Variants in UGT1A6 observed in about 807,000 individuals in gnomAD.
UGT1A6 encodes UDP-glucuronosyltransferase 1A6.
UGT1A6 carries 32 observed loss-of-function variants against 44.4 expected under a neutral mutation model. The observed-to-expected ratio is 0.72, with a 90% CI of 0.54 to 0.97. The LOEUF (loss-of-function observed/expected upper bound fraction) is 0.97. Among genes scored for constraint, UGT1A6 ranks in the 50% least tolerant of loss-of-function variants. UGT1A6 has a pLI of 0.00. For synonymous variants in UGT1A6, 238 were observed against 248.5 expected (o/e 0.96, Z 0.40); for missense variants, 685 against 661.9 (o/e 1.03, Z -0.38).
chr2:233,719,363 C>T (rs569317540), intron 1 of UGT1A6: 1 of 1,613,942 alleles, frequency 6.2e-7, no homozygotes, highest in Non-Finnish European at 8.5e-7. Context: ...GTGACTTAGA[C>T]TTTAAGGGCA....
In UGT1A6 at chr2:233,760,736, C is replaced by T. The variant is rs371418452; in HGVS notation, c.862-6298C>T. ...GAAAGCAGCTTTGATGTCATGCTGA[C>T]GGACCCTTTCCTTCCTTGCAGCCCC... is the stretch of plus-strand genomic sequence containing the variant. On this transcript the variant is annotated intron_variant, in intron 1 of 4. Coordinates refer to ENST00000305139, the MANE Select transcript of UGT1A6 (RefSeq NM_001072.4). The T allele has an allele frequency of 6.2e-7, 1 of 1,614,160 alleles. No homozygotes were observed.
At chr2:233,724,576 G>A (rs1380708117) in intron 1 of UGT1A6, among the ~76,000 whole-genome samples, 1 of 128,988 alleles carries the variant, frequency 7.8e-6, no homozygotes, top group South Asian at 3.2e-4. Flanking sequence ...GCGGGGCAGA[G>A]GCGCTCCCCA....
Position 233,718,831 on chromosome 2 carries a change from G to A in UGT1A6, c.861+24966G>A, listed in dbSNP as rs1317647482. ...GTGGCTTCTGCTGAGATGGCCAGAG[G>A]ACTCCAGGTTCCCCTGCCGCGGCTG... is the stretch of plus-strand genomic sequence containing the variant. On this transcript the variant is annotated intron_variant, in intron 1 of 4. Transcript: ENST00000305139. 1 of 1,613,578 alleles carries A rather than the reference G, an allele frequency of 6.2e-7. No homozygotes were observed. Among genetic ancestry groups the A allele is most frequent in the Non-Finnish European group, 8.5e-7 (1 of 1,179,966 alleles).
At chr2:233,759,537 C>T (rs1642121675) in intron 1 of UGT1A6, among the ~76,000 whole-genome samples, 1 of 152,180 alleles carries the variant, frequency 6.6e-6, no homozygotes, top group South Asian at 2.1e-4. Context: ...CTTCTGTTCA[C>T]ATGCGCTCCA....
intron 1 of UGT1A6, among the ~76,000 whole-genome samples, chr2:233,718,202 T>C (rs918589370): frequency 1.3e-5 from 2 of 152,242 alleles, no homozygotes; most frequent in African/African-American, 4.8e-5. Context: ...CGGAGCTTTT[T>C]TTTATATTGA....
intron 1 of UGT1A6, among the ~76,000 whole-genome samples, chr2:233,744,613 C>G (rs1692866168): frequency 6.6e-6 from 1 of 151,808 alleles, no homozygotes; most frequent in South Asian, 2.1e-4. Context: ...GTACTTGGCT[C>G]TATAGAGAGG....
At chr2:233,766,487 G>A (rs1575820615) in intron 1 of UGT1A6, among the ~76,000 whole-genome samples, 1 of 152,190 alleles carries the variant, frequency 6.6e-6, no homozygotes, top group Non-Finnish European at 1.5e-5. Context: ...TGATGGGGGC[G>A]TGGCAGGCCA....
rs45547931 is a variant in UGT1A6 at position 233,729,802 on chromosome 2, G to A, written c.861+35937G>A. ...TCTGGCCCTGTCCTACATTTGCCAT[G>A]CTTTTTCTGCTCCTTATGCAAGCCT... On this transcript the variant is annotated intron_variant, in intron 1 of 4. Transcript: ENST00000305139. 1.3e-5 allele frequency: 21 copies of A among 1,613,942 alleles called. No homozygotes were observed. The East Asian group carries it at 3.8e-4, about 29-fold the overall frequency.
At chr2:233,753,439 T>G (rs1321423136) in intron 1 of UGT1A6, 3 of 152,230 alleles carry the variant, frequency 2.0e-5, no homozygotes, top group African/African-American at 7.2e-5. Flanking sequence ...TGGTTAATGA[T>G]GTGTTCAGGC....
chr2:233,721,292 C>T (rs1038685514), intron 1 of UGT1A6, among the ~76,000 whole-genome samples: 4 of 152,066 alleles, frequency 2.6e-5, no homozygotes, highest in African/African-American at 9.7e-5. Context: ...ATTAGGAAGG[C>T]ATTTGAATAG....
intron 1 of UGT1A6, among the ~76,000 whole-genome samples, chr2:233,700,822 T>G (rs536912731): frequency 2.6e-5 from 4 of 152,262 alleles, no homozygotes; most frequent in Non-Finnish European, 4.4e-5. Flanking sequence ...GCTGCACCCA[T>G]TAACTCGTCA....
intron 1 of UGT1A6, chr2:233,719,562 C>T (rs1164668665): frequency 6.2e-7 from 1 of 1,613,782 alleles, no homozygotes; most frequent in African/African-American, 1.3e-5. Context: ...AGTGGTGGAT[C>T]TTGTCAGCTA....
At position 233,768,454 on chromosome 2, in the gene UGT1A6, A is replaced by C; in HGVS notation, c.1301+15A>C. The stretch of plus-strand genomic sequence containing the variant: ...AATGACAAAAGGTAAGAAAGAAGAT[A>C]CAGAAGAATACTTTGGTCATGGCAT... On this transcript the variant is annotated intron_variant, in intron 4 of 4. Coordinates refer to ENST00000305139, the MANE Select transcript of UGT1A6 (RefSeq NM_001072.4). The C allele has an allele frequency of 6.2e-7, 1 of 1,610,684 alleles. No individual in the cohort carries two copies.
chr2:233,748,071 C>T, intron 1 of UGT1A6: 3 of 1,613,372 alleles, frequency 1.9e-6, no homozygotes, highest in East Asian at 2.2e-5. Context: ...CAGGAAGCCA[C>T]TATCTCAGGT....
At chr2:233,713,590 C>T in intron 1 of UGT1A6, 1 of 1,613,980 alleles carries the variant, frequency 6.2e-7, no homozygotes, top group Non-Finnish European at 8.5e-7. Flanking sequence ...TTACTAACGA[C>T]CAATTCAGAC....
intron 1 of UGT1A6, among the ~76,000 whole-genome samples, chr2:233,694,758 G>A (rs1012611114): frequency 6.6e-6 from 1 of 152,184 alleles, no homozygotes; most frequent in Non-Finnish European, 1.5e-5. Context: ...TAGCCACTGT[G>A]AAAAGGCAAG....
At chr2:233,714,867 TTCTA>T (rs1314617320) in intron 1 of UGT1A6, among the ~76,000 whole-genome samples, 2 of 151,200 alleles carry the variant, frequency 1.3e-5, no homozygotes, top group African/African-American at 4.9e-5. Flanking sequence ...AAAACTAAAA[TTCTA>T]TCTTTTAAAT....
At chr2:233,711,340 A>C (rs2076174915) in intron 1 of UGT1A6, among the ~76,000 whole-genome samples, 1 of 152,198 alleles carries the variant, frequency 6.6e-6, no homozygotes, top group Non-Finnish European at 1.5e-5. Flanking sequence ...CTGCATGGAG[A>C]TAGAACAGGG....
At chr2:233,729,480 C>G in intron 1 of UGT1A6, 1 of 1,614,164 alleles carries the variant, frequency 6.2e-7, no homozygotes, top group South Asian at 1.1e-5. Context: ...CAATGTTGAA[C>G]AATATGTCTT....
Sources: allele counts gnomAD v4.1 joint callset (sites outside exome capture counted in the v4.1 genomes callset), GRCh38; gene constraint gnomAD v4.1.1; transcripts MANE v1.5; gene names NCBI Gene and HGNC (gene_info 2026-07-23, HGNC 2026-07-21).